Variants in CDK11B observed in about 807,000 individuals in gnomAD.
CDK11B encodes the protein cyclin-dependent kinase 11B.
In CDK11B, 37 loss-of-function variants were observed where a neutral mutation model predicts 84.0. The ratio of observed to expected loss-of-function variants is 0.44; its 90% CI spans 0.34 to 0.58. The LOEUF (loss-of-function observed/expected upper bound fraction) is 0.58. CDK11B is among the 20% of genes least tolerant of loss of function. The pLI is 0.02. For synonymous variants in CDK11B, 269 were observed against 309.8 expected (o/e 0.87, Z 1.38); for missense variants, 427 against 834.0 (o/e 0.51, Z 6.01).
chr1:1,655,231 C>G lies in CDK11B; in HGVS notation c.227+138G>C. ...TGTGACATAAAAACCTCAATAGTTACGCTATGTCACAGTAACTCTAGGAAA... is the reference window on the plus strand; with the variant it reads ...TGTGACATAAAAACCTCAATAGTTAGGCTATGTCACAGTAACTCTAGGAAA... On this transcript the variant is annotated intron_variant, in intron 3 of 19. Coordinates refer to ENST00000341832, the MANE Select transcript of CDK11B (RefSeq NM_033486.3). 2.7e-6 allele frequency: 3 copies of G among 1,101,122 alleles called. No individual in the cohort carries two copies. The South Asian group carries it at 6.3e-5, about 23-fold the overall frequency. The allele number at this position is 1,101,122 out of a possible 1,614,324, so 68.2% of individuals were successfully genotyped here.
intron 2 of CDK11B, among the ~76,000 whole-genome samples, chr1:1,656,351 C>G (rs151241884): frequency 6.6e-6 from 1 of 152,040 alleles, no homozygotes; most frequent in Non-Finnish European, 1.5e-5. Flanking sequence ...ATTAGCCGAG[C>G]GTGCTGGCAG....
At chr1:1,641,402 G>A (rs1263440236) in intron 9 of CDK11B, among the ~76,000 whole-genome samples, 1 of 147,940 alleles carries the variant, frequency 6.8e-6, no homozygotes, top group Non-Finnish European at 1.5e-5. Flanking sequence ...CCAGCTACTT[G>A]GGAGGCTGAG....
chr1:1,638,489 A>T lies in CDK11B; in HGVS notation c.1342+11T>A. On this transcript the variant is annotated intron_variant, in intron 12 of 19. Transcript: ENST00000341832. ...TCCCCTGCCTTTGTGGGGTGAGGGGACCCCACCCACCTGTTTTCTTGTCTT... is the reference window on the plus strand; with the variant it reads ...TCCCCTGCCTTTGTGGGGTGAGGGGTCCCCACCCACCTGTTTTCTTGTCTT... 3.1e-6 allele frequency: 3 copies of T among 971,400 alleles called. No individual in the cohort carries two copies. The highest frequency in any genetic ancestry group is 4.9e-6 in the Non-Finnish European group (3 of 608,776). 60.2% of individuals were successfully genotyped at this position (971,400 alleles called of 1,614,324 possible).
rs1344530380 is a variant in CDK11B, at chr1:1,637,367, C to A, written c.1570+41G>T. 8 of 1,601,332 alleles carry A rather than the reference C, an allele frequency of 5.0e-6. No homozygotes were observed. The Admixed American group carries it at 1.4e-4, about 28-fold the overall frequency. ...ACCGCGGGGGTGACCAGGACCCTGC[C>A]CCCACTTGTACGCAGACAGGCCCCT... On this transcript the variant is annotated intron_variant, in intron 14 of 19. Transcript: ENST00000341832.
chr1:1,653,877 C>T lies in CDK11B; in HGVS notation c.228-1311G>A, dbSNP rs566273787. ...ACACACACACACCCGAGCGTGGTGG[C>T]GCATGCCTGTAATCCCAGCTACTCA... On this transcript the variant is annotated intron_variant, in intron 3 of 19. Transcript: ENST00000341832. Among the ~76,000 whole-genome samples, 31 of 149,278 alleles carry T rather than the reference C, an allele frequency of 2.1e-4. 1 individual carries two copies. In the East Asian group the frequency reaches 5.4e-3, roughly 26 times the overall value.
chr1:1,656,487 T>G (rs1168187862), intron 2 of CDK11B, among the ~76,000 whole-genome samples: 2 of 151,426 alleles, frequency 1.3e-5, no homozygotes, highest in Non-Finnish European at 2.9e-5. Flanking sequence ...CAAGACTGTC[T>G]CAAAAACAAA....
intron 5 of CDK11B, among the ~76,000 whole-genome samples, chr1:1,648,017 G>A (rs1260480987): frequency 2.0e-5 from 3 of 152,286 alleles, no homozygotes; most frequent in Non-Finnish European, 4.4e-5. Context: ...AAGCATCAGT[G>A]CTTCTCAGAT....
chr1:1,636,469 G>C lies in CDK11B; in HGVS notation c.1930C>G (p.Pro644Ala). Residue 644 changes from proline (P) to alanine (A), a missense_variant, in exon 18 of 20, where the codon CCT becomes GCT. Pro to Ala is a conservative substitution (Grantham distance 27, BLOSUM62 -1). Transcript: ENST00000341832. Reference protein sequence around the residue: ...INKVFKDLGTPSEKIWPGYSE... With the variant: ...INKVFKDLGTASEKIWPGYSE... ...TAGCCGGGCCAGATTTTCTCACTAG[G>C]GGTCCCCAGATCCTGAAAGACAGAG... 1 of 1,612,366 alleles carries C rather than the reference G, an allele frequency of 6.2e-7. No individual in the cohort carries two copies. Among genetic ancestry groups the C allele is most frequent in the Non-Finnish European group, 8.5e-7 (1 of 1,179,206 alleles).
At chr1:1,652,227 GCT>G (rs1245859120) in intron 4 of CDK11B, among the ~76,000 whole-genome samples, 2 of 152,000 alleles carry the variant, frequency 1.3e-5, no homozygotes, top group Non-Finnish European at 2.9e-5. Flanking sequence ...GCTAGAGTTT[GCT>G]CTCTCTGGTT....
intron 3 of CDK11B, among the ~76,000 whole-genome samples, chr1:1,653,825 T>C (rs1161927048): frequency 2.5e-5 from 3 of 121,842 alleles, no homozygotes; most frequent in East Asian, 2.8e-4. Flanking sequence ...CTACTAAAAA[T>C]ACACACACAC....
At chr1:1,653,088 C>T (rs1642216266) in intron 3 of CDK11B, among the ~76,000 whole-genome samples, 2 of 151,994 alleles carry the variant, frequency 1.3e-5, no homozygotes, top group African/African-American at 2.4e-5. Flanking sequence ...GGTACGATCT[C>T]GGCTCATTGC....
intron 4 of CDK11B, among the ~76,000 whole-genome samples, chr1:1,650,977 A>C (rs1641933014): frequency 1.3e-5 from 2 of 152,222 alleles, no homozygotes; most frequent in Non-Finnish European, 2.9e-5. Context: ...CAGTTTTATA[A>C]TACAAAAATC....
At chr1:1,654,293 A>C (rs1243673939) in intron 3 of CDK11B, 1 of 394,140 alleles carries the variant, frequency 2.5e-6, no homozygotes, top group African/African-American at 2.1e-5. Context: ...TTTTTTCCAC[A>C]CAGGGTCTTG....
chr1:1,653,858 ACAC>A (rs1451145242), intron 3 of CDK11B, among the ~76,000 whole-genome samples: 3 of 150,154 alleles, frequency 2.0e-5, no homozygotes, highest in Non-Finnish European at 4.4e-5. Context: ...ACACACACAC[ACAC>A]ACCCGAGCGT....
chr1:1,656,733 G>A (rs979769599), intron 2 of CDK11B, among the ~76,000 whole-genome samples: 1 of 152,088 alleles, frequency 6.6e-6, no homozygotes, highest in African/African-American at 2.4e-5. Flanking sequence ...GCGACAGTGC[G>A]AGACTCCGTC....
chr1:1,651,738 T>TA (rs1241884233), intron 4 of CDK11B, among the ~76,000 whole-genome samples: 10 of 151,616 alleles, frequency 6.6e-5, no homozygotes, highest in African/African-American at 1.7e-4. Flanking sequence ...TGCTTTCAGA[T>TA]AGAGTATTCT....
intron 11 of CDK11B, among the ~76,000 whole-genome samples, chr1:1,639,576 G>T (rs889165648): frequency 6.6e-6 from 1 of 151,920 alleles, no homozygotes. Context: ...TGCCCAGGCC[G>T]GATGTCATGT....
At chr1:1,649,153 G>T (rs1641566234) in intron 5 of CDK11B, among the ~76,000 whole-genome samples, 1 of 152,106 alleles carries the variant, frequency 6.6e-6, no homozygotes, top group African/African-American at 2.4e-5. Context: ...AGGCTGGAGT[G>T]CAGTGGCGGG....
At chr1:1,655,605 CTGAA>C in intron 2 of CDK11B, 121 bp from the exon 3 acceptor site, 4 of 1,373,534 alleles carry the variant, frequency 2.9e-6, no homozygotes, top group Non-Finnish European at 3.8e-6. Context: ...CATATATACT[CTGAA>C]TGAGCCAGTG....
Sources: gnomAD v4.1 joint callset for allele counts (sites outside exome capture counted in the v4.1 genomes callset) on GRCh38, gnomAD v4.1.1 for gene constraint, MANE v1.5 for transcripts, NCBI Gene and HGNC (gene_info 2026-07-23, HGNC 2026-07-21) for gene names.